Variants in TBC1D19 observed in about 807,000 individuals in gnomAD.
The protein encoded by TBC1D19 is TBC1 domain family, member 19.
Under a neutral mutation model 89.0 loss-of-function variants are expected in TBC1D19, and 60 were observed. The ratio of observed to expected loss-of-function variants is 0.67; its 90% CI spans 0.55 to 0.84. TBC1D19 has a LOEUF of 0.84. Ranked by LOEUF, TBC1D19 falls within the 40% of genes least tolerant of loss-of-function variation. TBC1D19 has a pLI of 0.00. For synonymous variants in TBC1D19, 189 were observed against 199.7 expected, an observed-to-expected ratio of 0.95 and a Z score of 0.45; for missense variants, 500 against 610.8, an observed-to-expected ratio of 0.82 and a Z score of 1.91.
chr4:26,697,235 G>A (rs184096145), intron 13 of TBC1D19, among the ~76,000 whole-genome samples: 2 of 152,298 alleles, frequency 1.3e-5, no homozygotes, highest in African/African-American at 4.8e-5. Context: ...ACACCTCTAT[G>A]CAAACAAACT....
chr4:26,802,948 T>A, the TBC1D19 span, among the ~76,000 whole-genome samples: 2 of 152,190 alleles, frequency 1.3e-5, no homozygotes, highest in Admixed American at 6.5e-5. Context: ...CACTGTATCC[T>A]CATGCGGTGG....
intron 7 of TBC1D19, among the ~76,000 whole-genome samples, chr4:26,645,889 C>T (rs35848547): frequency 0.45 from 67,104 of 149,872 alleles, 16,352 homozygotes; most frequent in Admixed American, 0.6. Context: ...TTTGGGAGGC[C>T]GAGGCGGGCG....
the TBC1D19 span, among the ~76,000 whole-genome samples, chr4:26,783,371 G>A: frequency 6.6e-6 from 1 of 152,304 alleles, no homozygotes; most frequent in East Asian, 1.9e-4. Flanking sequence ...GGCATAAGGA[G>A]TGATTAATTC....
At chr4:26,663,224 CAG>C (rs1745321079) in intron 8 of TBC1D19, among the ~76,000 whole-genome samples, 1 of 152,068 alleles carries the variant, frequency 6.6e-6, no homozygotes. Flanking sequence ...TAATTATAAA[CAG>C]TGTGGAAAAA....
chr4:26,753,021 T>A (rs1406388082), intron 19 of TBC1D19, among the ~76,000 whole-genome samples: 1 of 152,138 alleles, frequency 6.6e-6, no homozygotes, highest in Non-Finnish European at 1.5e-5. Flanking sequence ...AATGTTTGGA[T>A]TTTTTTGAAG....
intron 12 of TBC1D19, among the ~76,000 whole-genome samples, chr4:26,687,581 A>T (rs1713918394): frequency 6.6e-6 from 1 of 152,136 alleles, no homozygotes; most frequent in Non-Finnish European, 1.5e-5. Flanking sequence ...TATGAATTAT[A>T]TCACAGGAAA....
At chr4:26,609,221 T>TA (rs1741208464) in intron 1 of TBC1D19, among the ~76,000 whole-genome samples, 1 of 151,806 alleles carries the variant, frequency 6.6e-6, no homozygotes, top group Non-Finnish European at 1.5e-5. Flanking sequence ...TAATAAAATT[T>TA]AAAAAAATAG....
chr4:26,735,101 T>C (rs1300213640), intron 15 of TBC1D19, among the ~76,000 whole-genome samples: 1 of 151,246 alleles, frequency 6.6e-6, no homozygotes, highest in East Asian at 1.9e-4. Flanking sequence ...CACATGTATA[T>C]ATGTATATAT....
intron 1 of TBC1D19, 121 bp downstream of exon 1, chr4:26,584,413 A>G (rs1019374878): frequency 3.2e-5 from 29 of 898,502 alleles, no homozygotes; most frequent in Non-Finnish European, 4.4e-5. Context: ...CTGGTGCTCA[A>G]AAAACAAACA....
chr4:26,811,155 T>A, the TBC1D19 span, among the ~76,000 whole-genome samples: 29 of 152,300 alleles, frequency 1.9e-4, no homozygotes, highest in Non-Finnish European at 1.9e-4. Context: ...CACATATACA[T>A]CATGGAATAC....
intron 13 of TBC1D19, among the ~76,000 whole-genome samples, chr4:26,698,159 C>T (rs1207421336): frequency 6.6e-6 from 1 of 152,206 alleles, no homozygotes; most frequent in East Asian, 1.9e-4. Context: ...GCAACTTCAG[C>T]AAAGTCTCAG....
rs1348555618 is a variant in TBC1D19 at position 26,644,366 on chromosome 4, T to G, written c.480+4179T>G. Among the ~76,000 whole-genome samples, 4 of 152,128 alleles carry G rather than the reference T, an allele frequency of 2.6e-5. No individual in the cohort carries two copies. The East Asian group carries it at 7.7e-4, about 29-fold the overall frequency. ...GATGCAGAAAAGGCCTTCGACAAAA[T>G]TCAACAGCCTACATGCTAAAAACTC... On this transcript the variant is annotated intron_variant, in intron 7 of 20. Transcript: ENST00000264866.
At chr4:26,858,314 A>G in the TBC1D19 span, 90 of 149,434 alleles carry the variant, frequency 6.0e-4, no homozygotes, top group African/African-American at 2.1e-3. Context: ...TGAGGTTTGG[A>G]CATTGAGAGG....
intron 1 of TBC1D19, among the ~76,000 whole-genome samples, chr4:26,577,799 A>G (rs2109917960): frequency 6.6e-6 from 1 of 152,368 alleles, no homozygotes; most frequent in East Asian, 1.9e-4. Context: ...CCCGGAGTGT[A>G]CTGAAAATCA....
chr4:26,690,880 A>G (rs1341076897), intron 13 of TBC1D19, among the ~76,000 whole-genome samples: 1 of 152,224 alleles, frequency 6.6e-6, no homozygotes, highest in Non-Finnish European at 1.5e-5. Context: ...TATTTAAGAA[A>G]TACATTTTGT....
downstream of TBC1D19, among the ~76,000 whole-genome samples, chr4:26,757,166 A>G (rs557035512): frequency 3.9e-5 from 6 of 152,220 alleles, no homozygotes; most frequent in East Asian, 1.9e-4. Context: ...GGCATGCGCC[A>G]TAACACCTGG....
chr4:26,797,361 C>T, the TBC1D19 span, among the ~76,000 whole-genome samples: 1 of 151,976 alleles, frequency 6.6e-6, no homozygotes, highest in African/African-American at 2.4e-5. Flanking sequence ...TCTACAAGGA[C>T]AACTACAAAA....
chr4:26,679,821 GA>G (rs1287426050), intron 11 of TBC1D19, among the ~76,000 whole-genome samples: 3 of 152,212 alleles, frequency 2.0e-5, no homozygotes, highest in Non-Finnish European at 4.4e-5. Flanking sequence ...TGAAACTTTG[GA>G]GGACTGTTGG....
At chr4:26,607,202 T>G (rs962132466) in intron 1 of TBC1D19, among the ~76,000 whole-genome samples, 7 of 152,198 alleles carry the variant, frequency 4.6e-5, no homozygotes, top group Non-Finnish European at 7.3e-5. Context: ...GAGCATAGTC[T>G]TCACTAGCTC....
Sources: allele counts gnomAD v4.1 joint callset (sites outside exome capture counted in the v4.1 genomes callset), GRCh38; gene constraint gnomAD v4.1.1; transcripts MANE v1.5; gene names NCBI Gene and HGNC (gene_info 2026-07-23, HGNC 2026-07-21).